Variants in FAM151A observed in about 807,000 individuals in gnomAD.
The protein encoded by FAM151A is family with sequence similarity 151 member A, also known as protein FAM151A.
A neutral mutation model predicts 40.4 loss-of-function variants in FAM151A; 41 were observed. That is an observed-to-expected ratio of 1.01 (90% CI 0.79 to 1.32). The LOEUF (loss-of-function observed/expected upper bound fraction) is 1.32. Ranked by LOEUF, FAM151A falls within the 40% of genes most tolerant of loss-of-function variation. FAM151A has a pLI of 0.00. For missense variants in FAM151A, 740 were observed against 740.4 expected (o/e 1.00, Z 0.01); for synonymous variants, 337 against 312.5 (o/e 1.08, Z -0.83).
intron 1 of FAM151A, among the ~76,000 whole-genome samples, chr1:54,620,289 C>T (rs200958888): frequency 1.3e-5 from 2 of 152,202 alleles, no homozygotes; most frequent in East Asian, 3.9e-4. Context: ...GTAAATTTCA[C>T]AGACAAGGGA....
At chr1:54,615,130 G>C (rs1644159534) in intron 3 of FAM151A, among the ~76,000 whole-genome samples, 1 of 152,168 alleles carries the variant, frequency 6.6e-6, no homozygotes, top group Non-Finnish European at 1.5e-5. Context: ...ACTTGGGCTT[G>C]TGGCTGCTGC....
In FAM151A at chr1:54,609,872, A is replaced by G. The variant is rs1457794084; in HGVS notation, c.1154T>C (p.Val385Ala). Reference sequence around the variant, plus strand: ...CAGGATGTTGCCACTTGGAGTATGAACAATGGGCACGGGGTTTTCAGCCAC... The same window carrying G: ...CAGGATGTTGCCACTTGGAGTATGAGCAATGGGCACGGGGTTTTCAGCCAC... ...GTVAENPVPI[V>A]HTPSGNILTL... Residue 385 changes from valine (V) to alanine (A), a missense_variant, in exon 8 of 8, where the codon GTT (valine) becomes GCT (alanine). Transcript: ENST00000302250. 6.2e-7 allele frequency: 1 copy of G among 1,613,716 alleles called. No homozygotes were observed. Among genetic ancestry groups the G allele is most frequent in the Non-Finnish European group, 8.5e-7 (1 of 1,180,022 alleles).
intron 2 of FAM151A, 22 bp downstream of exon 2, chr1:54,619,842 C>G (rs1427033866): frequency 6.2e-7 from 1 of 1,612,332 alleles, no homozygotes; most frequent in Non-Finnish European, 8.5e-7. Context: ...TGGCCTGCCT[C>G]AGTCTTGGCA....
Position 54,609,639 on chromosome 1 carries a change from GCT to G in FAM151A, c.1385_1386del (p.Glu462AlafsTer7), listed in dbSNP as rs1238762680. The G allele has an allele frequency of 1.2e-6, 2 of 1,613,886 alleles. No homozygotes were observed. Among genetic ancestry groups the G allele is most frequent in the South Asian group, 1.1e-5 (1 of 91,086 alleles). On this transcript the variant is annotated frameshift_variant, in exon 8 of 8. Coordinates refer to ENST00000302250, the MANE Select transcript of FAM151A (RefSeq NM_176782.3). LOFTEE classifies it low-confidence loss of function (END_TRUNC). ...AAGACCTCAGCCACAGCTGTAAGCA[GCT>G]CTCTGCCAGCCACATGGCCGGGGAC... ...FSVPGHVAGR[E>X]LLTAVAEVFP... is the part of the protein sequence containing the mutation.
chr1:54,612,581 C>A lies in FAM151A; in HGVS notation c.705G>T (p.Val235=), dbSNP rs1336612268. ...QAMVEKMHEL[V]GGVPQRVTFP... is the part of the protein sequence containing the mutation. The stretch of plus-strand genomic sequence containing the variant: ...AGGTGACCCTCTGGGGCACTCCTCC[C>A]ACCAGCTCGTGCATCTTCTCCACCA... Residue 235 remains valine (V), a synonymous_variant, in exon 5 of 8, where the codon GTG becomes GTT. Transcript: ENST00000302250. 6.2e-7 allele frequency: 1 copy of A among 1,614,108 alleles called. No homozygotes were observed. Among genetic ancestry groups the A allele is most frequent in the Admixed American group, 1.7e-5 (1 of 60,016 alleles).
chr1:54,609,993 TGTTAAGA>T (rs753134373), intron 7 of FAM151A, 52 bp from the exon 8 acceptor site: 3 of 1,549,674 alleles, frequency 1.9e-6, no homozygotes, highest in Non-Finnish European at 1.7e-6. Context: ...TATCATAAGG[TGTTAAGA>T]GTCCCTTGTT....
intron 2 of FAM151A, 76 bp downstream of exon 2, chr1:54,619,788 T>C: frequency 5.4e-6 from 8 of 1,487,640 alleles, no homozygotes; most frequent in Non-Finnish European, 7.4e-6. Context: ...GTGACCAGTG[T>C]CTGATCCTCA....
intron 1 of FAM151A, chr1:54,621,636 C>G (rs1425539267): frequency 6.6e-6 from 1 of 152,452 alleles, no homozygotes; most frequent in African/African-American, 2.4e-5. Context: ...CAAAAGCAGG[C>G]AGAGGGACCT....
chr1:54,620,147 C>T, intron 1 of FAM151A, 140 bp from the exon 2 acceptor site: 1 of 887,986 alleles, frequency 1.1e-6, no homozygotes, highest in South Asian at 1.8e-5. Context: ...CTCAGACTCA[C>T]TGGTGCTACA....
chr1:54,623,477 G>A lies in FAM151A; in HGVS notation c.-82C>T. The A allele has an allele frequency of 9.8e-7, 1 of 1,018,898 alleles. No individual in the cohort carries two copies. The highest frequency in any genetic ancestry group is 1.5e-6 in the Non-Finnish European group (1 of 655,282). 63.1% of individuals were successfully genotyped at this position (1,018,898 alleles called of 1,614,324 possible). On this transcript the variant is annotated 5_prime_UTR_variant, in exon 1 of 8. Coordinates refer to ENST00000302250, the MANE Select transcript of FAM151A (RefSeq NM_176782.3). ...CCCTGCAGCTGGAATCCTGTGGGAG[G>A]CAGGAGCTCCCAGCAGCACCTAATT...
At chr1:54,620,313 C>G (rs1009005935) in intron 1 of FAM151A, among the ~76,000 whole-genome samples, 2 of 152,194 alleles carry the variant, frequency 1.3e-5, no homozygotes, top group Non-Finnish European at 2.9e-5. Flanking sequence ...TAGGTTATTC[C>G]AGACAGAGAG....
At chr1:54,610,143 T>C in intron 7 of FAM151A, 17 of 1,433,508 alleles carry the variant, frequency 1.2e-5, no homozygotes, top group Non-Finnish European at 1.5e-5. Context: ...GTTTCAGCTC[T>C]TGGCCTTTAC....
Position 54,609,653 on chromosome 1 carries a change from A to G in FAM151A, c.1373T>C (p.Val458Ala), listed in dbSNP as rs2101011862. ...AGCTGTAAGCAGCTCTCTGCCAGCC[A>G]CATGGCCGGGGACCGAAAAACTCCC... Reference protein sequence around the residue: ...SHGSFSVPGHVAGRELLTAVA... With the variant: ...SHGSFSVPGHAAGRELLTAVA... The change falls in exon 8 of 8, where the codon GTG (valine) becomes GCG (alanine). Residue 458 changes from valine (V) to alanine (A), a missense_variant. Transcript: ENST00000302250. 1 of 1,614,026 alleles carries G rather than the reference A, an allele frequency of 6.2e-7. No homozygotes were observed.
intron 2 of FAM151A, among the ~76,000 whole-genome samples, chr1:54,619,652 C>T (rs72668288): frequency 3.0e-4 from 45 of 152,298 alleles, no homozygotes; most frequent in Non-Finnish European, 5.4e-4. Flanking sequence ...ACTTTGGAGT[C>T]AGACATGTGG....
rs577037264 is a variant in FAM151A at position 54,612,272 on chromosome 1, GA to G, written c.800+213del. Among the ~76,000 whole-genome samples, 80 of 151,952 alleles carry G rather than the reference GA, an allele frequency of 5.3e-4. 1 individual carries two copies. The South Asian group carries it at 0.016, about 31-fold the overall frequency. On this transcript the variant is annotated intron_variant, in intron 5 of 7. Transcript: ENST00000302250. ...GTATAAATATTTTCCAGAGGGCAGA[GA>G]ATTACCCACCAATGAAAGGGCTCTC...
At chr1:54,610,070 C>T (rs1644099605) in intron 7 of FAM151A, 129 bp from the exon 8 acceptor site, 2 of 1,438,786 alleles carry the variant, frequency 1.4e-6, no homozygotes, top group East Asian at 5.0e-5. Context: ...ATCTGTCAAC[C>T]CAGTTTTGGG....
Position 54,616,007 on chromosome 1 carries a change from G to A in FAM151A, c.415+13C>T. On this transcript the variant is annotated intron_variant, in intron 3 of 7. Coordinates refer to ENST00000302250, the MANE Select transcript of FAM151A (RefSeq NM_176782.3). ...GGCTGGGGGCCGGAGAGGGTTTCCAGAGAGGCCCTTACCCTTTTGGGAAGA... is the reference window on the plus strand; with the variant it reads ...GGCTGGGGGCCGGAGAGGGTTTCCAAAGAGGCCCTTACCCTTTTGGGAAGA... The A allele has an allele frequency of 6.2e-7, 1 of 1,612,846 alleles. No individual in the cohort carries two copies. Among genetic ancestry groups the A allele is most frequent in the Non-Finnish European group, 8.5e-7 (1 of 1,179,866 alleles).
chr1:54,610,189 C>A, intron 7 of FAM151A: 1 of 1,433,472 alleles, frequency 7.0e-7, no homozygotes, highest in South Asian at 1.5e-5. Context: ...CCGGCCTTGC[C>A]TGCAGCAATG....
chr1:54,610,196 A>C, intron 7 of FAM151A: 1 of 1,433,626 alleles, frequency 7.0e-7, no homozygotes, highest in Non-Finnish European at 9.1e-7. Flanking sequence ...TGCCTGCAGC[A>C]ATGTAGCTGA....
Sources: allele counts gnomAD v4.1 joint callset (sites outside exome capture counted in the v4.1 genomes callset), GRCh38; gene constraint gnomAD v4.1.1; transcripts MANE v1.5; gene names NCBI Gene and HGNC (gene_info 2026-07-23, HGNC 2026-07-21).